The following DOP1B variants were observed in gnomAD, a reference collection of about 807,000 sequenced individuals.
DOP1B encodes the protein protein DOP1B.
DOP1B carries 174 observed loss-of-function variants against 233.5 expected under a neutral mutation model. The ratio of observed to expected loss-of-function variants is 0.75; its 90% CI spans 0.66 to 0.85. The LOEUF (loss-of-function observed/expected upper bound fraction) is 0.85. Ranked by LOEUF, DOP1B falls within the 40% of genes least tolerant of loss-of-function variation. DOP1B has a pLI of 0.00. For synonymous variants in DOP1B, 1,190 were observed against 1,185.6 expected (o/e 1.00, Z -0.08); for missense variants, 2,652 against 2,846.6 (o/e 0.93, Z 1.56).
At chr21:36,257,596 TGATAGATAGATA>T (rs34032773) in intron 23 of DOP1B, among the ~76,000 whole-genome samples, 33,497 of 150,058 alleles carry the variant, frequency 0.22, 4,132 homozygotes, top group Admixed American at 0.29. Context: ...CGTAGATAGA[TGATAGATAGATA>T]GATAGATAGA....
At chr21:36,232,479 C>G (rs1387248147) in intron 14 of DOP1B, among the ~76,000 whole-genome samples, 1 of 152,188 alleles carries the variant, frequency 6.6e-6, no homozygotes, top group Non-Finnish European at 1.5e-5. Context: ...GAGGGCTCCT[C>G]ACCTTGCAGC....
At chr21:36,272,555 C>CAGG (rs1311898610) in intron 27 of DOP1B, among the ~76,000 whole-genome samples, 1 of 149,682 alleles carries the variant, frequency 6.7e-6, no homozygotes, top group Non-Finnish European at 1.5e-5. Flanking sequence ...GAGGCTGAGG[C>CAGG]AGAATGACTT....
intron 23 of DOP1B, among the ~76,000 whole-genome samples, chr21:36,257,603 TAGATAGATA>T (rs2067116141): frequency 1.3e-5 from 1 of 77,246 alleles, no homozygotes; most frequent in Non-Finnish European, 3.2e-5. Flanking sequence ...AGATGATAGA[TAGATAGATA>T]GATAGATAGA....
rs1239098347 is a variant in DOP1B, at chr21:36,245,709, C to G, written c.3729C>G (p.Ala1243=). 3 of 1,613,770 alleles carry G rather than the reference C, an allele frequency of 1.9e-6. 1 individual carries two copies. In the African/African-American group the frequency reaches 4.0e-5, roughly 22 times the overall value. ...QPYDSRRVLY[A]FSVLEAVLKT... ...ACGACTCTCGGCGGGTCCTCTATGC[C>G]TTCTCGGTGCTGGAGGCTGTGCTCA... The change falls in exon 19 of 37, where the codon GCC becomes GCG. Residue 1243 remains alanine (A), a synonymous_variant. Coordinates refer to ENST00000691173, the MANE Select transcript of DOP1B (RefSeq NM_001320714.2). This position sits in a 1 kb window ranked among gnomAD's most constrained non-coding sequence, Gnocchi z 5.5.
Position 36,238,697 on chromosome 21 carries a change from G to A in DOP1B, c.2872G>A (p.Asp958Asn). Residue 958 changes from aspartate to asparagine, a missense_variant, in exon 17 of 37, where the codon GAT (aspartate) becomes AAT (asparagine). Around this residue, in one of 3 missense-constraint regions of DOP1B, gnomAD observed 2,617 missense variants for 2,794.3 expected, o/e 0.94. Coordinates refer to ENST00000691173, the MANE Select transcript of DOP1B (RefSeq NM_001320714.2). The part of the protein sequence containing the change: ...SRVTSHNRSF[D>N]RSLFVVLDSL... ...AGTAACATCTCACAATCGCTCCTTTGATAGGTGAGGCGGCCTTCGTTATGA... is the reference window on the plus strand; with the variant it reads ...AGTAACATCTCACAATCGCTCCTTTAATAGGTGAGGCGGCCTTCGTTATGA... 1 of 1,614,204 alleles carries A rather than the reference G, an allele frequency of 6.2e-7. No individual in the cohort carries two copies.
intron 2 of DOP1B, among the ~76,000 whole-genome samples, chr21:36,176,097 C>CCTGTGTGTGTGTGTGTGTGTGTGT (rs1555886144): frequency 2.1e-5 from 3 of 141,744 alleles, no homozygotes; most frequent in African/African-American, 7.7e-5. Flanking sequence ...GGTGTGTGTG[C>CCTGTGTGTGTGTGTGTGTGTGTGT]GTGTGTGTGT....
intron 2 of DOP1B, among the ~76,000 whole-genome samples, chr21:36,178,389 C>T (rs2066055363): frequency 6.6e-6 from 1 of 151,248 alleles, no homozygotes; most frequent in African/African-American, 2.4e-5. Flanking sequence ...GTCTCAGCTA[C>T]TTGGGAGGCT....
chr21:36,207,689 G>A (rs184973530), intron 4 of DOP1B, among the ~76,000 whole-genome samples: 1 of 152,208 alleles, frequency 6.6e-6, no homozygotes, highest in East Asian at 1.9e-4. Flanking sequence ...GGCAAGCTCT[G>A]TGAACCAACA....
chr21:36,235,269 G>A (rs1202896268), intron 15 of DOP1B, among the ~76,000 whole-genome samples: 4 of 151,922 alleles, frequency 2.6e-5, no homozygotes, highest in African/African-American at 7.3e-5. Context: ...TTAATCCTGC[G>A]GGAACAGCTC....
chr21:36,292,147 G>A lies in DOP1B; in HGVS notation c.6559G>A (p.Ala2187Thr), dbSNP rs2067566367. 2.5e-6 allele frequency: 4 copies of A among 1,612,058 alleles called. No homozygotes were observed. Among genetic ancestry groups the A allele is most frequent in the African/African-American group, 2.7e-5 (2 of 74,836 alleles). The change falls in exon 36 of 37, where the codon GCC (alanine) becomes ACC (threonine). Residue 2187 changes from alanine to threonine, a missense_variant. Physicochemically the swap from Ala to Thr is moderately conservative, Grantham distance 58 (BLOSUM62 0). This residue lies in a region of DOP1B where 2,617 missense variants were observed against 2,794.3 expected (regional missense o/e 0.94). Coordinates refer to ENST00000691173, the MANE Select transcript of DOP1B (RefSeq NM_001320714.2). Reference sequence around the variant, plus strand: ...TCCAGAAGTGGACACAGAGGGCCCTGCCTTCCTGTCGGATGTAGAGGAGAA... The same window carrying A: ...TCCAGAAGTGGACACAGAGGGCCCTACCTTCCTGTCGGATGTAGAGGAGAA... ...FIPEVDTEGP[A>T]FLSDVEENHQ...
Position 36,245,751 on chromosome 21 carries a change from A to G in DOP1B, c.3771A>G (p.Glu1257=), listed in dbSNP as rs749526330. 15 of 1,613,878 alleles carry G rather than the reference A, an allele frequency of 9.3e-6. 1 individual carries two copies. Among genetic ancestry groups the G allele is most frequent in the Admixed American group, 1.7e-5 (1 of 59,994 alleles). Reference sequence around the variant, plus strand: ...CTGTGCTCAAAACCAACCCTAAGGAATTCATCGAGGCTGTGTCCAGGACTA... The same window carrying G: ...CTGTGCTCAAAACCAACCCTAAGGAGTTCATCGAGGCTGTGTCCAGGACTA... ...LEAVLKTNPK[E]FIEAVSRTSM... The change falls in exon 19 of 37, where the codon GAA becomes GAG. Residue 1257 remains glutamate, a synonymous_variant. Transcript: ENST00000691173. The surrounding 1 kb of genome is among the most constrained non-coding windows in gnomAD (Gnocchi z 5.5).
At chr21:36,205,251 A>G (rs2066414422) in intron 4 of DOP1B, among the ~76,000 whole-genome samples, 1 of 152,156 alleles carries the variant, frequency 6.6e-6, no homozygotes, top group Non-Finnish European at 1.5e-5. Flanking sequence ...TGTGGAGTGG[A>G]GCATGCCAGT....
At chr21:36,221,450 G>A (rs965156249) in intron 10 of DOP1B, among the ~76,000 whole-genome samples, 16 of 151,922 alleles carry the variant, frequency 1.1e-4, no homozygotes, top group Non-Finnish European at 2.4e-4. Context: ...AGCCAAGATC[G>A]TGCCACTGCA....
chr21:36,280,103 A>G (rs1025919105), intron 30 of DOP1B, among the ~76,000 whole-genome samples, 182 bp from the exon 31 acceptor site: 1 of 152,158 alleles, frequency 6.6e-6, no homozygotes, highest in Non-Finnish European at 1.5e-5. Context: ...TTGAACTCCC[A>G]ACCTCAGGTG....
intron 19 of DOP1B, among the ~76,000 whole-genome samples, chr21:36,247,278 T>C (rs1268435997): frequency 6.6e-6 from 1 of 152,218 alleles, no homozygotes; most frequent in Non-Finnish European, 1.5e-5. Context: ...GAAATAAAAA[T>C]GTGAATCATC....
Position 36,245,718 on chromosome 21 carries a change from G to T in DOP1B, c.3738G>T (p.Val1246=), listed in dbSNP as rs372577121. The change falls in exon 19 of 37, where the codon GTG becomes GTT. Residue 1246 remains valine, a synonymous_variant. Transcript: ENST00000691173. This position sits in a 1 kb window ranked among gnomAD's most constrained non-coding sequence, Gnocchi z 5.5. The stretch of plus-strand genomic sequence containing the variant: ...GGCGGGTCCTCTATGCCTTCTCGGT[G>T]CTGGAGGCTGTGCTCAAAACCAACC... ...DSRRVLYAFS[V]LEAVLKTNPK... is the part of the protein sequence containing the mutation. 5 of 1,613,648 alleles carry T rather than the reference G, an allele frequency of 3.1e-6. No individual in the cohort carries two copies. The African/African-American group carries it at 4.0e-5, about 13-fold the overall frequency.
At chr21:36,254,918 T>C (rs958146045) in intron 23 of DOP1B, among the ~76,000 whole-genome samples, 2 of 151,848 alleles carry the variant, frequency 1.3e-5, no homozygotes, top group African/African-American at 2.4e-5. Flanking sequence ...GAGAGAGTCT[T>C]TGTCAAGGGC....
chr21:36,201,603 C>T (rs1382392128), intron 4 of DOP1B, among the ~76,000 whole-genome samples: 1 of 151,940 alleles, frequency 6.6e-6, no homozygotes, highest in Non-Finnish European at 1.5e-5. Context: ...CCACCTCAGC[C>T]TCCCAAAGTG....
intron 1 of DOP1B, among the ~76,000 whole-genome samples, chr21:36,162,669 A>G (rs548820656): frequency 1.3e-5 from 2 of 151,928 alleles, no homozygotes; most frequent in African/African-American, 4.8e-5. Context: ...CATCCTCCCG[A>G]GTAGCTGGGA....
Sources: gnomAD v4.1 joint callset for allele counts (sites outside exome capture counted in the v4.1 genomes callset) on GRCh38, gnomAD v4.1.1 for gene constraint, gnomAD v4.1.1 regional missense constraint, Gnocchi (gnomAD v3.1) non-coding constraint, MANE v1.5 for transcripts, NCBI Gene and HGNC (gene_info 2026-07-23, HGNC 2026-07-21) for gene names.